Variants in CHST9 observed in about 807,000 individuals in gnomAD.
CHST9 encodes carbohydrate sulfotransferase 9, also known as GalNAc-4-sulfotransferase 2.
A neutral mutation model predicts 44.4 loss-of-function variants in CHST9; 41 were observed. The ratio of observed to expected loss-of-function variants is 0.92; its 90% CI spans 0.72 to 1.20. The LOEUF (loss-of-function observed/expected upper bound fraction) is 1.20, where lower values mean the gene tolerates loss of function less well. CHST9 is among the 50% of genes most tolerant of loss of function. The pLI is 0.00. For missense variants in CHST9, 504 were observed against 516.5 expected (o/e 0.98, Z 0.23); for synonymous variants, 171 against 178.4 (o/e 0.96, Z 0.33).
At chr18:27,043,136 C>T (rs887518525) in intron 3 of CHST9, among the ~76,000 whole-genome samples, 1 of 151,990 alleles carries the variant, frequency 6.6e-6, no homozygotes, top group Non-Finnish European at 1.5e-5. Flanking sequence ...CCTAGGGTCT[C>T]GGTCTCTGAG....
intron 2 of CHST9, among the ~76,000 whole-genome samples, chr18:27,121,615 A>G (rs1178944444): frequency 6.6e-6 from 1 of 152,232 alleles, no homozygotes; most frequent in Non-Finnish European, 1.5e-5. Context: ...CTATCAATAA[A>G]GATGATAAAA....
intron 4 of CHST9, among the ~76,000 whole-genome samples, chr18:26,969,227 C>T (rs1344824792): frequency 1.3e-5 from 2 of 152,112 alleles, no homozygotes; most frequent in Non-Finnish European, 2.9e-5. Context: ...TGGTCTCGAT[C>T]TCCTGACCTT....
At chr18:26,946,611 G>A (rs1391180193) in intron 4 of CHST9, among the ~76,000 whole-genome samples, 1 of 152,168 alleles carries the variant, frequency 6.6e-6, no homozygotes, top group Non-Finnish European at 1.5e-5. Context: ...TGTCCTGAAT[G>A]GTATTGCCTA....
At chr18:27,126,882 G>A (rs2058428960) in intron 2 of CHST9, among the ~76,000 whole-genome samples, 1 of 152,174 alleles carries the variant, frequency 6.6e-6, no homozygotes. Flanking sequence ...GACTGAGGCA[G>A]TAGTAATGGG....
At chr18:27,015,868 A>G (rs780512115) in intron 4 of CHST9, among the ~76,000 whole-genome samples, 5 of 152,170 alleles carry the variant, frequency 3.3e-5, no homozygotes, top group South Asian at 2.1e-4. Flanking sequence ...CAAGGTCTCA[A>G]TCTAAGTCCT....
At chr18:26,970,665 T>G (rs1479940578) in intron 4 of CHST9, among the ~76,000 whole-genome samples, 1 of 152,150 alleles carries the variant, frequency 6.6e-6, no homozygotes, top group Non-Finnish European at 1.5e-5. Context: ...TGGGCCCAGG[T>G]GATCCTCCTG....
intron 5 of CHST9, among the ~76,000 whole-genome samples, chr18:26,926,380 A>G (rs574849377): frequency 5.9e-5 from 9 of 152,276 alleles, no homozygotes; most frequent in African/African-American, 1.9e-4. Flanking sequence ...GACATAACAT[A>G]ATGTGAATGT....
At chr18:27,011,548 CT>C (rs2057085196) in intron 4 of CHST9, among the ~76,000 whole-genome samples, 1 of 152,142 alleles carries the variant, frequency 6.6e-6, no homozygotes, top group Non-Finnish European at 1.5e-5. Context: ...AGAATGAAGG[CT>C]GCTAGAATGA....
chr18:27,131,625 G>GT (rs2058472604), intron 2 of CHST9, among the ~76,000 whole-genome samples: 1 of 152,142 alleles, frequency 6.6e-6, no homozygotes, highest in Admixed American at 6.6e-5. Context: ...GACATGACTT[G>GT]TTATGCCCTC....
chr18:27,011,039 T>G (rs746669129), intron 4 of CHST9, among the ~76,000 whole-genome samples: 1 of 152,164 alleles, frequency 6.6e-6, no homozygotes, highest in Admixed American at 6.5e-5. Context: ...TGGTGATTTC[T>G]GATATGCAGC....
chr18:26,917,379 A>G (rs1166577637), intron 5 of CHST9, 29 bp from the exon 6 acceptor site: 3 of 1,595,500 alleles, frequency 1.9e-6, no homozygotes. Flanking sequence ...AGAAATGTTG[A>G]AAGCACAGTC....
At chr18:26,995,154 T>G (rs1014952494) in intron 4 of CHST9, among the ~76,000 whole-genome samples, 1 of 149,102 alleles carries the variant, frequency 6.7e-6, no homozygotes, top group Admixed American at 6.7e-5. Flanking sequence ...TGCAGCCCAG[T>G]GGCTCACGCC....
chr18:26,919,577 T>C (rs1397779664), intron 5 of CHST9, among the ~76,000 whole-genome samples: 1 of 152,182 alleles, frequency 6.6e-6, no homozygotes, highest in Non-Finnish European at 1.5e-5. Flanking sequence ...GTAGTTATAG[T>C]ACTTTAATCC....
intron 2 of CHST9, among the ~76,000 whole-genome samples, chr18:27,114,979 T>A (rs1343938826): frequency 6.6e-6 from 1 of 152,162 alleles, no homozygotes; most frequent in African/African-American, 2.4e-5. Flanking sequence ...TGGGGGCATA[T>A]TTCCCCATGC....
At chr18:27,170,910 A>T (rs545192340) in intron 1 of CHST9, among the ~76,000 whole-genome samples, 3 of 152,242 alleles carry the variant, frequency 2.0e-5, no homozygotes, top group Non-Finnish European at 4.4e-5. Context: ...GTACATAAAT[A>T]GGTGATAAAG....
chr18:27,016,694 T>C (rs2057158706), intron 4 of CHST9, among the ~76,000 whole-genome samples: 1 of 152,204 alleles, frequency 6.6e-6, no homozygotes, highest in Non-Finnish European at 1.5e-5. Context: ...GTTAGAACAT[T>C]ATCTTAATAA....
At chr18:27,153,546 C>CTGTGTGTGTG (rs370815871) in intron 1 of CHST9, among the ~76,000 whole-genome samples, 1,429 of 138,554 alleles carry the variant, frequency 0.01, 20 homozygotes, top group East Asian at 0.02. Flanking sequence ...CTCTCTCTCT[C>CTGTGTGTGTG]TGTGTGTGTG....
intron 4 of CHST9, among the ~76,000 whole-genome samples, chr18:26,991,580 G>T (rs1248863124): frequency 6.6e-6 from 1 of 152,170 alleles, no homozygotes; most frequent in Non-Finnish European, 1.5e-5. Context: ...CACGGTGTAA[G>T]AAGGGAAGAG....
At chr18:27,091,765 T>G (rs890100100) in intron 2 of CHST9, among the ~76,000 whole-genome samples, 1 of 152,184 alleles carries the variant, frequency 6.6e-6, no homozygotes, top group Admixed American at 6.5e-5. Context: ...TTTGCATATG[T>G]TGAACCAGCT....
Sources: gnomAD v4.1 joint callset for allele counts (sites outside exome capture counted in the v4.1 genomes callset) on GRCh38, gnomAD v4.1.1 for gene constraint, MANE v1.5 for transcripts, NCBI Gene and HGNC (gene_info 2026-07-23, HGNC 2026-07-21) for gene names.